The following CCDC91 variants were observed in gnomAD, a reference collection of about 807,000 sequenced individuals.
CCDC91 encodes coiled-coil domain containing 91, also known as coiled-coil domain-containing protein 91.
Under a neutral mutation model 63.2 loss-of-function variants are expected in CCDC91, and 48 were observed. The ratio of observed to expected loss-of-function variants is 0.76; its 90% confidence interval spans 0.60 to 0.97. CCDC91 has a LOEUF of 0.97. Ranked by LOEUF, CCDC91 falls within the 50% of genes least tolerant of loss-of-function variation. The pLI is 0.00. For missense variants in CCDC91, 500 were observed against 494.6 expected, an observed-to-expected ratio of 1.01 and a Z score of -0.10; for synonymous variants, 167 against 165.8, an observed-to-expected ratio of 1.01 and a Z score of -0.06.
intron 3 of CCDC91, among the ~76,000 whole-genome samples, chr12:28,273,662 C>A (rs529273339): frequency 9.9e-5 from 15 of 152,084 alleles, no homozygotes; most frequent in African/African-American, 3.6e-4. Flanking sequence ...CTGTTCATAT[C>A]CTTCGCCCAC....
chr12:28,450,337 T>G lies in CCDC91; in HGVS notation c.856-13T>G. 1 of 1,609,856 alleles carries G rather than the reference T, an allele frequency of 6.2e-7. No individual in the cohort carries two copies. The highest frequency in any genetic ancestry group is 1.3e-5 in the African/African-American group (1 of 74,948). ...ACATTTAATGTCTTTCCAACTGTTT[T>G]ATCATTTGACAGGAAATATTGGAAA... On this transcript the variant is annotated splice_polypyrimidine_tract_variant and intron_variant, in intron 9 of 12. Transcript: ENST00000536442.
At chr12:28,429,774 A>G (rs1346630499) in intron 8 of CCDC91, among the ~76,000 whole-genome samples, 8 of 152,142 alleles carry the variant, frequency 5.3e-5, no homozygotes. Context: ...CACACATTGT[A>G]GATGTGCCAC....
At chr12:28,546,779 A>C (rs535157211) in intron 12 of CCDC91, among the ~76,000 whole-genome samples, 1 of 152,188 alleles carries the variant, frequency 6.6e-6, no homozygotes, top group East Asian at 1.9e-4. Context: ...CCTCTATAAC[A>C]CTGCAGTTGG....
intron 3 of CCDC91, among the ~76,000 whole-genome samples, chr12:28,303,452 C>T (rs897775220): frequency 6.6e-6 from 1 of 152,060 alleles, no homozygotes; most frequent in African/African-American, 2.4e-5. Flanking sequence ...TAACATGATA[C>T]ACTTGAACAT....
chr12:28,406,616 A>G (rs527469450), intron 8 of CCDC91, among the ~76,000 whole-genome samples: 3 of 152,202 alleles, frequency 2.0e-5, no homozygotes, highest in African/African-American at 7.2e-5. Context: ...CAGAAGTTTT[A>G]AGGTTATATG....
chr12:28,201,583 A>G (rs9808445), intron 1 of CCDC91, among the ~76,000 whole-genome samples: 1,379 of 137,566 alleles, frequency 0.01, 16 homozygotes, highest in South Asian at 0.017. Context: ...GTCCCAGGCG[A>G]TGGGCGGCCA....
chr12:28,215,252 T>C (rs1019126228), intron 1 of CCDC91, among the ~76,000 whole-genome samples: 1 of 152,178 alleles, frequency 6.6e-6, no homozygotes, highest in Non-Finnish European at 1.5e-5. Flanking sequence ...CTTAACATTA[T>C]TGATTCTCCT....
intron 1 of CCDC91, among the ~76,000 whole-genome samples, chr12:28,230,526 C>T (rs1342100695): frequency 6.6e-6 from 1 of 152,086 alleles, no homozygotes; most frequent in Non-Finnish European, 1.5e-5. Context: ...AAATAGGTGC[C>T]TACACAGAAG....
At chr12:28,350,606 A>G (rs1382414183) in intron 6 of CCDC91, among the ~76,000 whole-genome samples, 1 of 152,202 alleles carries the variant, frequency 6.6e-6, no homozygotes, top group Non-Finnish European at 1.5e-5. Flanking sequence ...ACAAATTACC[A>G]CAAACTTGGT....
At chr12:28,481,222 A>G (rs561384801) in intron 11 of CCDC91, among the ~76,000 whole-genome samples, 16 of 152,084 alleles carry the variant, frequency 1.1e-4, no homozygotes, top group East Asian at 5.8e-4. Flanking sequence ...CATATGTGCA[A>G]TTGAGTACCT....
intron 6 of CCDC91, chr12:28,319,279 A>G (rs551102763): frequency 6.6e-6 from 1 of 152,116 alleles, no homozygotes; most frequent in South Asian, 2.1e-4. Flanking sequence ...AATTAGCATC[A>G]TTAAACAGAT....
At chr12:28,424,027 G>T (rs1013748452) in intron 8 of CCDC91, among the ~76,000 whole-genome samples, 25 of 152,028 alleles carry the variant, frequency 1.6e-4, no homozygotes, top group Admixed American at 2.6e-4. Context: ...TCCTGATCTT[G>T]AGTGACTCTC....
chr12:28,226,222 G>C (rs1304893945), intron 1 of CCDC91: 1 of 152,202 alleles, frequency 6.6e-6, no homozygotes, highest in Non-Finnish European at 1.5e-5. Context: ...CGATTAAATG[G>C]TTGTGACTGG....
At chr12:28,545,810 G>C (rs1942950131) in intron 12 of CCDC91, among the ~76,000 whole-genome samples, 2 of 152,090 alleles carry the variant, frequency 1.3e-5, no homozygotes, top group South Asian at 4.2e-4. Context: ...AAAAATTACA[G>C]AAATACTCCT....
intron 1 of CCDC91, among the ~76,000 whole-genome samples, chr12:28,214,940 A>G (rs113715976): frequency 1.3e-5 from 2 of 152,318 alleles, no homozygotes; most frequent in African/African-American, 4.8e-5. Context: ...AGGTACTCAC[A>G]GATTTGATTA....
intron 8 of CCDC91, among the ~76,000 whole-genome samples, chr12:28,420,488 G>A (rs549158601): frequency 2.0e-5 from 3 of 152,128 alleles, no homozygotes; most frequent in Non-Finnish European, 2.9e-5. Flanking sequence ...CCATCTGTAT[G>A]TATCAGACAC....
intron 3 of CCDC91, among the ~76,000 whole-genome samples, chr12:28,275,209 T>C (rs1478145481): frequency 6.6e-6 from 1 of 151,598 alleles, no homozygotes; most frequent in African/African-American, 2.4e-5. Flanking sequence ...TCAACAAAAT[T>C]GATAGACCTC....
At chr12:28,546,694 C>G (rs938114132) in intron 12 of CCDC91, among the ~76,000 whole-genome samples, 2 of 151,916 alleles carry the variant, frequency 1.3e-5, no homozygotes, top group African/African-American at 4.8e-5. Flanking sequence ...ATTAAAATAT[C>G]TGTTACATAT....
chr12:28,480,530 G>A (rs1469227220), intron 11 of CCDC91, among the ~76,000 whole-genome samples: 3 of 151,954 alleles, frequency 2.0e-5, no homozygotes, highest in Non-Finnish European at 4.4e-5. Flanking sequence ...TTTGACAAAT[G>A]AATGTATGAA....
Sources: allele counts gnomAD v4.1 joint callset (sites outside exome capture counted in the v4.1 genomes callset), GRCh38; gene constraint gnomAD v4.1.1; transcripts MANE v1.5; gene names NCBI Gene and HGNC (gene_info 2026-07-23, HGNC 2026-07-21).